Variants in CDKAL1 observed in about 807,000 individuals in gnomAD.
CDKAL1 encodes CDKAL1 threonylcarbamoyladenosine tRNA methylthiotransferase.
A neutral mutation model predicts 68.2 loss-of-function variants in CDKAL1; 32 were observed. The observed-to-expected ratio is 0.47, with a 90% confidence interval of 0.35 to 0.63. The LOEUF (loss-of-function observed/expected upper bound fraction) is 0.63, where lower values mean the gene tolerates loss of function less well. Ranked by LOEUF, CDKAL1 falls within the 30% of genes least tolerant of loss-of-function variation. The pLI is 0.00. For synonymous variants in CDKAL1, 234 were observed against 244.3 expected (o/e 0.96, Z 0.39); for missense variants, 606 against 696.7 (o/e 0.87, Z 1.47).
chr6:20,585,088 G>A (rs1340455032), intron 4 of CDKAL1, among the ~76,000 whole-genome samples: 7 of 133,202 alleles, frequency 5.3e-5, no homozygotes, highest in African/African-American at 1.5e-4. Flanking sequence ...ACGGAGTCTC[G>A]CTCTGTCGCC....
intron 5 of CDKAL1, among the ~76,000 whole-genome samples, chr6:20,667,388 T>C (rs1769598818): frequency 6.6e-6 from 1 of 152,170 alleles, no homozygotes. Flanking sequence ...TTGTTGACAA[T>C]GATACCTGAA....
chr6:20,748,554 G>GAAAAAAAAAAAAAAAAAAA lies in CDKAL1; in HGVS notation c.468+8939_468+8940insAAAAAAAAAAAAAAAAAAA, dbSNP rs1773762406. ...GGAAAGAGAGCAAGACTCTGTTTCTGGAAAAAAAAAAAAAAAAAAAAAAAA... is the reference window on the plus strand; with the variant it reads ...GGAAAGAGAGCAAGACTCTGTTTCTGAAAAAAAAAAAAAAAAAAAGAAAAAAAAAAAAAAAAAAAAAAAA... On this transcript the variant is annotated intron_variant, in intron 6 of 15. Transcript: ENST00000274695. Among the ~76,000 whole-genome samples the GAAAAAAAAAAAAAAAAAAA allele has an allele frequency of 2.6e-5, 2 of 77,106 alleles. 1 individual carries two copies. Among genetic ancestry groups the GAAAAAAAAAAAAAAAAAAA allele is most frequent in the African/African-American group, 9.5e-5 (2 of 20,998 alleles). 50.6% of individuals were successfully genotyped at this position (77,106 alleles called of 152,430 possible).
At chr6:20,694,042 T>TTGTGTGTGTGTGTGTATG (rs1261180037) in intron 5 of CDKAL1, among the ~76,000 whole-genome samples, 1 of 114,356 alleles carries the variant, frequency 8.7e-6, no homozygotes, top group African/African-American at 4.2e-5. Flanking sequence ...CCGGCTAACT[T>TTGTGTGTGTGTGTGTATG]TGTGTGTGTG....
intron 11 of CDKAL1, among the ~76,000 whole-genome samples, chr6:21,000,925 A>ATATT (rs1353014307): frequency 6.6e-6 from 1 of 152,252 alleles, no homozygotes; most frequent in Non-Finnish European, 1.5e-5. Flanking sequence ...AAATTAAGGC[A>ATATT]TATTTACACA....
chr6:20,628,688 A>G (rs914987941), intron 4 of CDKAL1, among the ~76,000 whole-genome samples: 4 of 151,970 alleles, frequency 2.6e-5, no homozygotes, highest in Middle Eastern at 3.4e-3. Context: ...TCATGTGGTT[A>G]AAGAATCATG....
chr6:21,047,831 T>C (rs1289392261), intron 11 of CDKAL1, among the ~76,000 whole-genome samples: 1 of 152,138 alleles, frequency 6.6e-6, no homozygotes. Context: ...CCAGGGAATA[T>C]CAGTAGTATG....
intron 4 of CDKAL1, among the ~76,000 whole-genome samples, chr6:20,583,313 A>T (rs536233473): frequency 6.6e-6 from 1 of 152,312 alleles, no homozygotes; most frequent in Non-Finnish European, 1.5e-5. Flanking sequence ...AGAAAACTTA[A>T]TCAGTATTGA....
chr6:20,653,239 T>A (rs534305057), intron 5 of CDKAL1, among the ~76,000 whole-genome samples: 5 of 152,154 alleles, frequency 3.3e-5, no homozygotes, highest in African/African-American at 1.2e-4. Context: ...AACCTGGGAG[T>A]TGAGTTACTG....
At chr6:20,649,567 A>G (rs1305447701) in intron 5 of CDKAL1, among the ~76,000 whole-genome samples, 190 bp downstream of exon 5, 1 of 152,094 alleles carries the variant, frequency 6.6e-6, no homozygotes, top group African/African-American at 2.4e-5. Flanking sequence ...TTATTTTTAA[A>G]TTAAATTTAC....
At chr6:21,166,442 G>A (rs1348967618) in intron 13 of CDKAL1, among the ~76,000 whole-genome samples, 1 of 152,188 alleles carries the variant, frequency 6.6e-6, no homozygotes, top group Admixed American at 6.5e-5. Context: ...GCATGAAGTA[G>A]ATCATACATA....
chr6:20,916,036 G>A (rs905921402), intron 9 of CDKAL1, among the ~76,000 whole-genome samples: 4 of 152,190 alleles, frequency 2.6e-5, no homozygotes, highest in African/African-American at 9.7e-5. Context: ...GAGTTGGGGA[G>A]AATAAAGGCT....
chr6:20,970,828 T>G (rs1254001993), intron 10 of CDKAL1, among the ~76,000 whole-genome samples: 1 of 152,150 alleles, frequency 6.6e-6, no homozygotes, highest in East Asian at 1.9e-4. Flanking sequence ...GATGGTTAAT[T>G]GCTTCTTTCT....
At chr6:20,616,984 G>A (rs1766942596) in intron 4 of CDKAL1, among the ~76,000 whole-genome samples, 2 of 150,484 alleles carry the variant, frequency 1.3e-5, no homozygotes, top group South Asian at 4.2e-4. Context: ...AGGCTGCAGT[G>A]AGCTGTGATT....
intron 8 of CDKAL1, among the ~76,000 whole-genome samples, chr6:20,789,987 C>A (rs1455938666): frequency 6.6e-6 from 1 of 152,152 alleles, no homozygotes; most frequent in African/African-American, 2.4e-5. Flanking sequence ...GATAAGATCT[C>A]ACTTTGTTAT....
intron 4 of CDKAL1, among the ~76,000 whole-genome samples, chr6:20,564,588 A>T (rs892651399): frequency 1.1e-4 from 16 of 152,348 alleles, no homozygotes; most frequent in Admixed American, 7.2e-4. Flanking sequence ...GATATTTAAC[A>T]ATCATTTTGT....
chr6:20,947,807 A>T (rs554123605), intron 9 of CDKAL1, among the ~76,000 whole-genome samples: 1 of 152,168 alleles, frequency 6.6e-6, no homozygotes, highest in Non-Finnish European at 1.5e-5. Flanking sequence ...ATTGAAAATG[A>T]AAAACAGAAT....
intron 9 of CDKAL1, among the ~76,000 whole-genome samples, chr6:20,940,751 T>C (rs1373976349): frequency 6.6e-6 from 1 of 152,176 alleles, no homozygotes; most frequent in Non-Finnish European, 1.5e-5. Context: ...TTACATTCTT[T>C]TTTCATACTA....
intron 8 of CDKAL1, among the ~76,000 whole-genome samples, chr6:20,804,367 A>G (rs73732784): frequency 0.02 from 3,054 of 152,334 alleles, 95 homozygotes; most frequent in African/African-American, 0.068. Flanking sequence ...GGGACTAAGA[A>G]TACAGGTGAT....
At position 21,092,146 on chromosome 6, in the gene CDKAL1, A is replaced by C. The variant is rs1448419923; in HGVS notation, c.1237-16255A>C. Among the ~76,000 whole-genome samples, 3 of 146,238 alleles carry C rather than the reference A, an allele frequency of 2.1e-5. No individual in the cohort carries two copies. The East Asian group carries it at 6.5e-4, about 32-fold the overall frequency. ...CGTGATCCGCCCGCCTCGGCCTCCCAAAGTCCTGGGATTACAGGCGTGAGC... is the reference window on the plus strand; with the variant it reads ...CGTGATCCGCCCGCCTCGGCCTCCCCAAGTCCTGGGATTACAGGCGTGAGC... On this transcript the variant is annotated intron_variant, in intron 12 of 15. Coordinates refer to ENST00000274695, the MANE Select transcript of CDKAL1 (RefSeq NM_017774.3).
Sources: gnomAD v4.1 joint callset for allele counts (sites outside exome capture counted in the v4.1 genomes callset) on GRCh38, gnomAD v4.1.1 for gene constraint, MANE v1.5 for transcripts, NCBI Gene and HGNC (gene_info 2026-07-23, HGNC 2026-07-21) for gene names.